ARHGEF5: variants seen among roughly 807,000 people sequenced by gnomAD.
ARHGEF5 encodes Rho guanine nucleotide exchange factor 5.
ARHGEF5 carries 11 observed loss-of-function variants against 104.0 expected under a neutral mutation model. That is an observed-to-expected ratio of 0.11 (90% CI 0.07 to 0.18). ARHGEF5 has a LOEUF of 0.18. Among genes scored for constraint, ARHGEF5 ranks in the 10% least tolerant of loss-of-function variants. ARHGEF5 has a pLI of 1.00. For missense variants in ARHGEF5, 165 were observed against 1,335.4 expected (o/e 0.12, Z 13.66); for synonymous variants, 60 against 512.2 (o/e 0.12, Z 11.92).
rs1217314173 is a variant in ARHGEF5 at position 144,378,768 on chromosome 7, C to T, written c.4538C>T (p.Pro1513Leu). The change falls in exon 14 of 15, where the codon CCC becomes CTC. Residue 1513 changes from proline (P) to leucine (L), a missense_variant. By Grantham distance (98) the Pro-to-Leu change is moderately conservative. Coordinates refer to ENST00000056217, the MANE Select transcript of ARHGEF5 (RefSeq NM_005435.4). The part of the protein sequence containing the change: ...ELDLLECYNS[P>L]QVQCLRAYKP... ...ACACTCTTCTCTTCCAAAGACTCCC[C>T]CCAGGTACAGTGCCTTCGAGCCTAC... 25 of 1,613,930 alleles carry T rather than the reference C, an allele frequency of 1.5e-5. No individual in the cohort carries two copies. Among genetic ancestry groups the T allele is most frequent in the South Asian group, 9.9e-5 (9 of 91,070 alleles).
intron 9 of ARHGEF5, among the ~76,000 whole-genome samples, chr7:144,372,984 C>A (rs179369): frequency 0.033 from 3,345 of 100,920 alleles, 73 homozygotes; most frequent in Middle Eastern, 0.087. Flanking sequence ...CATCACCCCC[C>A]CATTCAGTCT....
chr7:144,364,026 C>A lies in ARHGEF5; in HGVS notation c.1357C>A (p.Leu453Ile). 1 of 1,327,272 alleles carries A rather than the reference C, an allele frequency of 7.5e-7. No individual in the cohort carries two copies. Among genetic ancestry groups the A allele is most frequent in the African/African-American group, 1.8e-5 (1 of 56,470 alleles). The allele number at this position is 1,327,272 out of a possible 1,614,324, so 82.2% of individuals were successfully genotyped here. The change falls in exon 2 of 15, where the codon CTA (leucine) becomes ATA (isoleucine). Residue 453 changes from leucine (L) to isoleucine (I), a missense_variant. Coordinates refer to ENST00000056217, the MANE Select transcript of ARHGEF5 (RefSeq NM_005435.4). ...ELSPAALSPS[L>I]EPIRCSHQPI... ...GTCCCCCGCAGCTCTGTCTCCCTCG[C>A]TAGAGCCCATCAGGTGCTCTCACCA...
In ARHGEF5 at chr7:144,380,080, G is replaced by A. The variant is rs1400337613; in HGVS notation, c.*24G>A. The A allele has an allele frequency of 1.2e-6, 2 of 1,613,782 alleles. No individual in the cohort carries two copies. The highest frequency in any genetic ancestry group is 1.1e-5 in the South Asian group (1 of 91,038). On this transcript the variant is annotated 3_prime_UTR_variant, in exon 15 of 15. Transcript: ENST00000056217. ...AAGTCTTCTCTGAGAGGAGTTTCGTGAGCTGAAGAACAAGCTGCTCATGGC... is the reference window on the plus strand; with the variant it reads ...AAGTCTTCTCTGAGAGGAGTTTCGTAAGCTGAAGAACAAGCTGCTCATGGC...
intron 1 of ARHGEF5, among the ~76,000 whole-genome samples, chr7:144,357,146 G>C (rs911924030): frequency 7.4e-6 from 1 of 135,748 alleles, no homozygotes; most frequent in African/African-American, 2.9e-5. Context: ...GTGCCTGCAA[G>C]GTAGACTGGA....
chr7:144,380,220 C>T lies in ARHGEF5; in HGVS notation c.*164C>T, dbSNP rs752092752. On this transcript the variant is annotated 3_prime_UTR_variant, in exon 15 of 15. Coordinates refer to ENST00000056217, the MANE Select transcript of ARHGEF5 (RefSeq NM_005435.4). ...CAGTCCCTCGGCCCAGGCCTCCTTTCGTGCTTTGTGCTTGGTGGGGGGGAT... is the reference window on the plus strand; with the variant it reads ...CAGTCCCTCGGCCCAGGCCTCCTTTTGTGCTTTGTGCTTGGTGGGGGGGAT... 3.1e-5 allele frequency: 26 copies of T among 849,184 alleles called. No individual in the cohort carries two copies. The highest frequency in any genetic ancestry group is 5.1e-5 in the African/African-American group (3 of 58,482). 52.6% of individuals were successfully genotyped at this position (849,184 alleles called of 1,614,324 possible).
intron 14 of ARHGEF5, 143 bp downstream of exon 14, chr7:144,379,009 T>G (rs2053781842): frequency 1.2e-6 from 1 of 811,078 alleles, no homozygotes; most frequent in East Asian, 2.7e-5. Flanking sequence ...CTCACAGTTC[T>G]GGAGGCAAGA....
rs764608154 is a variant in ARHGEF5, at chr7:144,379,985, C to T, written c.4723C>T (p.Arg1575Cys). ...QVEFISNPEV[R>C]AQNLKEAHRV... ...GGAGTTCATTTCCAACCCAGAGGTCCGTGCACAGAACCTGAAGGAAGCTCA... is the reference window on the plus strand; with the variant it reads ...GGAGTTCATTTCCAACCCAGAGGTCTGTGCACAGAACCTGAAGGAAGCTCA... Residue 1575 changes from arginine to cysteine, a missense_variant, in exon 15 of 15, where the codon CGT (arginine) becomes TGT (cysteine). Coordinates refer to ENST00000056217, the MANE Select transcript of ARHGEF5 (RefSeq NM_005435.4). 1.1e-5 allele frequency: 18 copies of T among 1,614,054 alleles called. No individual in the cohort carries two copies. Among genetic ancestry groups the T allele is most frequent in the Middle Eastern group, 1.6e-4 (1 of 6,084 alleles).
intron 1 of ARHGEF5, among the ~76,000 whole-genome samples, chr7:144,359,677 T>G (rs1398651821): frequency 9.8e-4 from 29 of 29,654 alleles, no homozygotes; most frequent in South Asian, 7.7e-3. Flanking sequence ...TGAAAGCCAG[T>G]GGGAGAGGGG....
At chr7:144,360,889 T>C (rs1428900290) in intron 1 of ARHGEF5, among the ~76,000 whole-genome samples, 9 of 145,538 alleles carry the variant, frequency 6.2e-5, no homozygotes, top group African/African-American at 2.3e-4. Context: ...TAAAGAGAAT[T>C]ATAGTTGGTA....
chr7:144,357,400 A>G (rs1264183912), intron 1 of ARHGEF5, among the ~76,000 whole-genome samples: 4 of 135,834 alleles, frequency 2.9e-5, no homozygotes, highest in Non-Finnish European at 6.5e-5. Context: ...TGCAATGGAT[A>G]GAACACACAC....
intron 1 of ARHGEF5, among the ~76,000 whole-genome samples, chr7:144,360,954 G>A (rs1281173722): frequency 6.8e-6 from 1 of 146,170 alleles, no homozygotes; most frequent in African/African-American, 2.5e-5. Flanking sequence ...GGGAGGCCAG[G>A]TGTGGTGGCT....
intron 14 of ARHGEF5, 71 bp from the exon 15 acceptor site, chr7:144,379,828 A>T (rs529930936): frequency 3.1e-6 from 5 of 1,587,692 alleles, no homozygotes; most frequent in South Asian, 2.3e-5. Context: ...AAAACTCTCC[A>T]GGAAGGTGAT....
At chr7:144,377,532 G>T (rs1353158711) in intron 13 of ARHGEF5, among the ~76,000 whole-genome samples, 1 of 152,088 alleles carries the variant, frequency 6.6e-6, no homozygotes, top group Non-Finnish European at 1.5e-5. Flanking sequence ...CCTGACGGTG[G>T]TAGAAGGTGT....
chr7:144,377,184 T>C lies in ARHGEF5; in HGVS notation c.4525T>C (p.Cys1509Arg), dbSNP rs1448913136. 4 of 1,483,054 alleles carry C rather than the reference T, an allele frequency of 2.7e-6. No individual in the cohort carries two copies. Among genetic ancestry groups the C allele is most frequent in the Non-Finnish European group, 2.7e-6 (3 of 1,103,546 alleles). The allele number at this position is 1,483,054 out of a possible 1,614,324, so 91.9% of individuals were successfully genotyped here. ...AAGAGAGGAGTTGGACCTTCTGGAG[T>C]GTTACAGTGAGTGAGGGTCTAAGAG... ...MPREELDLLE[C>R]YNSPQVQCLR... is the part of the protein sequence containing the mutation. The change falls in exon 13 of 15, where the codon TGT (cysteine) becomes CGT (arginine). Residue 1509 changes from cysteine to arginine, a missense_variant. By Grantham distance (180) the Cys-to-Arg change is radical. Transcript: ENST00000056217.
At position 144,380,234 on chromosome 7, in the gene ARHGEF5, G is replaced by A. The variant is rs2053791614; in HGVS notation, c.*178G>A. 9.6e-6 allele frequency: 7 copies of A among 730,092 alleles called. No homozygotes were observed. The highest frequency in any genetic ancestry group is 2.1e-5 in the South Asian group (1 of 47,936). The allele number at this position is 730,092 out of a possible 1,614,324, so 45.2% of individuals were successfully genotyped here. A position where few individuals can be genotyped will look rare whatever the true frequency, so the allele number is the denominator to read the frequency against. On this transcript the variant is annotated 3_prime_UTR_variant, in exon 15 of 15. Transcript: ENST00000056217. Reference sequence around the variant, plus strand: ...AGGCCTCCTTTCGTGCTTTGTGCTTGGTGGGGGGGATTTCGAGGGACTTTG... The same window carrying A: ...AGGCCTCCTTTCGTGCTTTGTGCTTAGTGGGGGGGATTTCGAGGGACTTTG...
At position 144,379,913 on chromosome 7, in the gene ARHGEF5, G is replaced by T. The variant is rs182264437; in HGVS notation, c.4651G>T (p.Val1551Leu). ...QQSSDGWLEG[V>L]RLSDGERGWF... ...TGTGCCCACAGGCTGGCTGGAGGGCGTGAGGCTCTCAGACGGGGAGCGAGG... is the reference window on the plus strand; with the variant it reads ...TGTGCCCACAGGCTGGCTGGAGGGCTTGAGGCTCTCAGACGGGGAGCGAGG... The change falls in exon 15 of 15, where the codon GTG (valine) becomes TTG (leucine). Residue 1551 changes from valine (V) to leucine (L), a missense_variant. Transcript: ENST00000056217. The T allele has an allele frequency of 8.1e-6, 13 of 1,614,154 alleles. No homozygotes were observed. The highest frequency in any genetic ancestry group is 1.1e-5 in the Non-Finnish European group (13 of 1,180,004).
At position 144,380,267 on chromosome 7, in the gene ARHGEF5, CTCTGGGAACCTTTCA is replaced by C. The variant is rs2053792139; in HGVS notation, c.*214_*228del. 1 of 542,686 alleles carries C rather than the reference CTCTGGGAACCTTTCA, an allele frequency of 1.8e-6. No individual in the cohort carries two copies. 33.6% of individuals were successfully genotyped at this position (542,686 alleles called of 1,614,324 possible). On this transcript the variant is annotated 3_prime_UTR_variant, in exon 15 of 15. Coordinates refer to ENST00000056217, the MANE Select transcript of ARHGEF5 (RefSeq NM_005435.4). ...GGATTTCGAGGGACTTTGCACTGGA[CTCTGGGAACCTTTCA>C]TCATTAAAAAAAGGGGGACCATTGG...
chr7:144,379,457 A>G (rs1635080), intron 14 of ARHGEF5, among the ~76,000 whole-genome samples: 96,150 of 151,854 alleles, frequency 0.63, 30,633 homozygotes, highest in East Asian at 0.78. Context: ...CAGTCCACCC[A>G]CCTCGGCCTC....
intron 1 of ARHGEF5, among the ~76,000 whole-genome samples, chr7:144,360,258 G>A (rs1270306885): frequency 8.5e-6 from 1 of 117,374 alleles, no homozygotes; most frequent in Non-Finnish European, 1.8e-5. Context: ...CTACAGGCAC[G>A]TGCCACCATG....
Sources: gnomAD v4.1 joint callset for allele counts (sites outside exome capture counted in the v4.1 genomes callset) on GRCh38, gnomAD v4.1.1 for gene constraint, MANE v1.5 for transcripts, NCBI Gene and HGNC (gene_info 2026-07-23, HGNC 2026-07-21) for gene names.